The following AK9 variants were observed in gnomAD, a reference collection of about 807,000 sequenced individuals.
AK9 encodes the protein adenylate kinase 9, also known as adenylate kinase domain containing 1.
Under a neutral mutation model 239.6 loss-of-function variants are expected in AK9, and 191 were observed. That is an observed-to-expected ratio of 0.80 (90% CI 0.71 to 0.90). AK9 has a LOEUF of 0.90. Among genes scored for constraint, AK9 ranks in the 40% least tolerant of loss-of-function variants. The pLI, the probability that AK9 is intolerant of heterozygous loss-of-function variation, is 0.00. For missense variants in AK9, 1,995 were observed against 2,214.7 expected (o/e 0.90, Z 1.99); for synonymous variants, 689 against 721.0 (o/e 0.96, Z 0.71).
Position 109,583,998 on chromosome 6 carries a change from T to C in AK9, c.2114+1125A>G, listed in dbSNP as rs564631409. 3.9e-5 allele frequency among the ~76,000 whole-genome samples: 6 copies of C among 152,250 alleles called. No homozygotes were observed. The South Asian group carries it at 1.2e-3, about 32-fold the overall frequency. ...AGCTGATTGGAGCTAATTAGTAGATTTGTAACAAAAGTTTTCAAAGCTAAA... is the reference window on the plus strand; with the variant it reads ...AGCTGATTGGAGCTAATTAGTAGATCTGTAACAAAAGTTTTCAAAGCTAAA... On this transcript the variant is annotated intron_variant, in intron 19 of 40. Transcript: ENST00000424296.
At chr6:109,574,023 AAAG>A (rs2128197485) in intron 20 of AK9, among the ~76,000 whole-genome samples, 1 of 152,342 alleles carries the variant, frequency 6.6e-6, no homozygotes, top group African/African-American at 2.4e-5. Flanking sequence ...AGTGAATTTT[AAAG>A]ATTTAATATG....
At position 109,509,313 on chromosome 6, in the gene AK9, T is replaced by A. The variant is rs1348221508; in HGVS notation, c.4347A>T (p.Val1449=). 8.4e-6 allele frequency: 13 copies of A among 1,551,712 alleles called. No homozygotes were observed. The highest frequency in any genetic ancestry group is 1.1e-5 in the Non-Finnish European group (13 of 1,146,984). Residue 1449 remains valine, a synonymous_variant, in exon 33 of 41, where the codon GTA becomes GTT. Coordinates refer to ENST00000424296, the MANE Select transcript of AK9 (RefSeq NM_001145128.3). ...HLSIGGALRY[V]LNNHPETELA... Reference sequence around the variant, plus strand: ...GCTCTGTTTCCGGGTGATTGTTTAGTACATAACGCAAAGCTCCTCCTATTG... The same window carrying A: ...GCTCTGTTTCCGGGTGATTGTTTAGAACATAACGCAAAGCTCCTCCTATTG...
chr6:109,683,472 G>A (rs1772985199), intron 1 of AK9, among the ~76,000 whole-genome samples: 1 of 152,214 alleles, frequency 6.6e-6, no homozygotes, highest in Non-Finnish European at 1.5e-5. Context: ...TCTGTTTGCA[G>A]AGGACATGAT....
At chr6:109,607,426 T>G (rs1468209660) in intron 17 of AK9, among the ~76,000 whole-genome samples, 1 of 152,220 alleles carries the variant, frequency 6.6e-6, no homozygotes, top group South Asian at 2.1e-4. Flanking sequence ...TTTCTTGTCA[T>G]TATTCCCTAA....
chr6:109,509,955 C>T (rs1171598044), intron 32 of AK9, among the ~76,000 whole-genome samples: 2 of 152,126 alleles, frequency 1.3e-5, no homozygotes, highest in Non-Finnish European at 2.9e-5. Flanking sequence ...GTGTCTGCTC[C>T]CGCTGCCTGG....
intron 8 of AK9, among the ~76,000 whole-genome samples, chr6:109,648,220 G>A (rs1160906877): frequency 6.6e-6 from 1 of 151,948 alleles, no homozygotes; most frequent in African/African-American, 2.4e-5. Flanking sequence ...GCTAGCAGAA[G>A]GTAAGACATA....
chr6:109,570,276 G>A (rs1787234601), intron 21 of AK9, among the ~76,000 whole-genome samples: 1 of 151,720 alleles, frequency 6.6e-6, no homozygotes, highest in Admixed American at 6.6e-5. Flanking sequence ...ACTGGAGCCT[G>A]TCGTGGGGTG....
intron 8 of AK9, among the ~76,000 whole-genome samples, chr6:109,653,174 G>C (rs1028076336): frequency 6.6e-6 from 1 of 152,110 alleles, no homozygotes; most frequent in Non-Finnish European, 1.5e-5. Context: ...TGATCCACCC[G>C]TCTCCGCCTC....
intron 35 of AK9, among the ~76,000 whole-genome samples, chr6:109,505,622 C>T (rs1238253170): frequency 6.6e-6 from 1 of 152,114 alleles, no homozygotes; most frequent in East Asian, 1.9e-4. Flanking sequence ...TGTCACTCTG[C>T]AATCATGGAC....
chr6:109,522,405 T>C (rs1779962712), intron 29 of AK9, among the ~76,000 whole-genome samples: 1 of 152,086 alleles, frequency 6.6e-6, no homozygotes, highest in African/African-American at 2.4e-5. Context: ...AAATGCATAT[T>C]GGATGTTGAC....
intron 10 of AK9, among the ~76,000 whole-genome samples, chr6:109,637,967 G>A (rs1796929831): frequency 6.6e-6 from 1 of 152,196 alleles, no homozygotes; most frequent in Non-Finnish European, 1.5e-5. Flanking sequence ...GGGCCTCAGG[G>A]ATTTGTGTTT....
chr6:109,607,482 A>G (rs1244286010), intron 17 of AK9, among the ~76,000 whole-genome samples: 1 of 152,220 alleles, frequency 6.6e-6, no homozygotes, highest in African/African-American at 2.4e-5. Context: ...ACATTGTATT[A>G]GGCATTATAA....
chr6:109,631,651 T>C (rs1347776581), intron 12 of AK9: 1 of 152,236 alleles, frequency 6.6e-6, no homozygotes, highest in Non-Finnish European at 1.5e-5. Context: ...CATATGTCCA[T>C]GTGTGCACCA....
intron 19 of AK9, among the ~76,000 whole-genome samples, chr6:109,580,568 C>T (rs71558375): frequency 6.6e-6 from 1 of 152,170 alleles, no homozygotes; most frequent in East Asian, 1.9e-4. Flanking sequence ...GCACAGCTTT[C>T]CTCAGACCTG....
In AK9 at chr6:109,585,800, T is replaced by C. The variant is rs112902676; in HGVS notation, c.1999+116A>G. ...TGTGTACCTCTAGTTCCTGCAGGGA[T>C]TGCTGGGGTGGGTATTTCTATCTAG... On this transcript the variant is annotated intron_variant, in intron 18 of 40. Transcript: ENST00000424296. 165 of 966,134 alleles carry C rather than the reference T, an allele frequency of 1.7e-4. No individual in the cohort carries two copies. In the African/African-American group the frequency reaches 2.5e-3, roughly 15 times the overall value. 59.8% of individuals were successfully genotyped at this position (966,134 alleles called of 1,614,324 possible). A position where few individuals can be genotyped will look rare whatever the true frequency, so the allele number is the denominator to read the frequency against.
intron 33 of AK9, among the ~76,000 whole-genome samples, chr6:109,508,736 T>C (rs1778371167): frequency 6.6e-6 from 1 of 152,168 alleles, no homozygotes; most frequent in East Asian, 1.9e-4. Flanking sequence ...CATAGCTTTC[T>C]TGTCCAAATG....
At chr6:109,600,985 T>C (rs1455183605) in intron 17 of AK9, among the ~76,000 whole-genome samples, 3 of 152,176 alleles carry the variant, frequency 2.0e-5, no homozygotes, top group Non-Finnish European at 4.4e-5. Flanking sequence ...TTATTAGTCT[T>C]GCTAGCAGTC....
At chr6:109,565,537 T>G (rs545576730) in intron 21 of AK9, among the ~76,000 whole-genome samples, 1 of 152,188 alleles carries the variant, frequency 6.6e-6, no homozygotes, top group Non-Finnish European at 1.5e-5. Context: ...CAGTGAGAGA[T>G]GATGATATTG....
intron 33 of AK9, 63 bp downstream of exon 33, chr6:109,509,116 G>C: frequency 1.4e-6 from 2 of 1,452,930 alleles, no homozygotes; most frequent in South Asian, 1.3e-5. Flanking sequence ...TTTAAATCAC[G>C]AGCGAGCAGT....
Sources: gnomAD v4.1 joint callset for allele counts (sites outside exome capture counted in the v4.1 genomes callset) on GRCh38, gnomAD v4.1.1 for gene constraint, MANE v1.5 for transcripts, NCBI Gene and HGNC (gene_info 2026-07-23, HGNC 2026-07-21) for gene names.